The following ZFHX3 variants were observed in gnomAD, a reference collection of about 807,000 sequenced individuals.
The protein encoded by ZFHX3 is zinc finger homeobox protein 3.
In ZFHX3, 42 loss-of-function variants were observed where a neutral mutation model predicts 279.1. That is an observed-to-expected ratio of 0.15 (90% CI 0.12 to 0.19). The LOEUF (loss-of-function observed/expected upper bound fraction) is 0.19, where lower values mean the gene tolerates loss of function less well. ZFHX3 is among the 10% of genes least tolerant of loss of function. The pLI, the probability that ZFHX3 is intolerant of heterozygous loss-of-function variation, is 1.00. For synonymous variants in ZFHX3, 2,293 were observed against 1,957.8 expected (o/e 1.17, Z -4.52); for missense variants, 4,981 against 4,754.0 (o/e 1.05, Z -1.40).
chr16:73,442,011 ACTCC>A (rs1181690911), intron 3 of ZFHX3, among the ~76,000 whole-genome samples: 1 of 152,046 alleles, frequency 6.6e-6, no homozygotes, highest in African/African-American at 2.4e-5. Flanking sequence ...TCTTAACAGG[ACTCC>A]AGGTCTCTCC....
At chr16:73,767,768 G>T (rs557372645) in intron 1 of ZFHX3, among the ~76,000 whole-genome samples, 2 of 152,166 alleles carry the variant, frequency 1.3e-5, no homozygotes, top group Non-Finnish European at 2.9e-5. Flanking sequence ...GATCTGCGAT[G>T]GGAGACTTAA....
intron 2 of ZFHX3, among the ~76,000 whole-genome samples, chr16:73,485,439 A>G (rs553994887): frequency 0.032 from 539 of 16,730 alleles, 6 homozygotes; most frequent in African/African-American, 0.28. Context: ...AAAAAAAAAA[A>G]AAAAAAAACT....
chr16:73,142,396 C>T (rs572787827), intron 6 of ZFHX3, among the ~76,000 whole-genome samples: 1 of 152,294 alleles, frequency 6.6e-6, no homozygotes, highest in South Asian at 2.1e-4. Context: ...ATGCCAATAC[C>T]CGCCGTAGAG....
chr16:73,756,676 G>A lies in ZFHX3; in HGVS notation c.-1607-76436C>T, dbSNP rs568979568. Among the ~76,000 whole-genome samples the A allele has an allele frequency of 7.9e-5, 12 of 152,102 alleles. No individual in the cohort carries two copies. In the South Asian group the frequency reaches 2.1e-3, roughly 26 times the overall value. On this transcript the variant is annotated intron_variant, in intron 1 of 17. Coordinates refer to the ZFHX3 transcript ENST00000641206. ...GGATGACATTTCTAAGCTTGGGTCC[G>A]GAAAGCCCAGGCTTTCCTAGAAACC...
intron 2 of ZFHX3, among the ~76,000 whole-genome samples, chr16:73,601,015 A>C (rs2052109149): frequency 1.5e-4 from 1 of 6,528 alleles, no homozygotes; most frequent in Non-Finnish European, 5.6e-4. Flanking sequence ...TTGTTTCTCA[A>C]AAAAAAAAAA....
intron 2 of ZFHX3, among the ~76,000 whole-genome samples, chr16:72,951,473 G>C (rs769281233): frequency 2.6e-5 from 4 of 152,094 alleles, no homozygotes; most frequent in Non-Finnish European, 5.9e-5. Flanking sequence ...TGTTGGTCAG[G>C]CTGGTGTTGA....
At chr16:73,417,087 A>T (rs2017603619) in intron 3 of ZFHX3, among the ~76,000 whole-genome samples, 1 of 151,966 alleles carries the variant, frequency 6.6e-6, no homozygotes, top group Non-Finnish European at 1.5e-5. Flanking sequence ...AGGGCACGTC[A>T]CCTCTGCTAT....
chr16:73,473,365 A>AAAC lies in ZFHX3; in HGVS notation c.-1546-17108_-1546-17107insGTT, dbSNP rs1555519255. Reference sequence around the variant, plus strand: ...AAAAAAAAAAAAAAAAAACAAAAAAAAAAAAAACAAAATAATAAGCTATGT... The same window carrying AAAC: ...AAAAAAAAAAAAAAAAAACAAAAAAAAACAAAAAAACAAAATAATAAGCTATGT... On this transcript the variant is annotated intron_variant, in intron 2 of 17. Transcript: ENST00000641206. Among the ~76,000 whole-genome samples the AAAC allele has an allele frequency of 1.8e-3, 233 of 130,092 alleles. 1 individual carries two copies. Among genetic ancestry groups the AAAC allele is most frequent in the African/African-American group, 5.7e-3 (186 of 32,462 alleles). 85.3% of individuals were successfully genotyped at this position (130,092 alleles called of 152,430 possible). A position where few individuals can be genotyped will look rare whatever the true frequency, so the allele number is the denominator to read the frequency against.
At chr16:73,492,820 C>A (rs1270063600) in intron 2 of ZFHX3, among the ~76,000 whole-genome samples, 1 of 152,144 alleles carries the variant, frequency 6.6e-6, no homozygotes, top group Non-Finnish European at 1.5e-5. Context: ...ATGCCTTAAA[C>A]CTTCAATAAA....
intron 1 of ZFHX3, among the ~76,000 whole-genome samples, chr16:73,792,768 C>G (rs1959865860): frequency 6.6e-6 from 1 of 152,036 alleles, no homozygotes; most frequent in Admixed American, 6.6e-5. Flanking sequence ...GGGTTAATAC[C>G]AACCTTTTTC....
chr16:73,043,613 C>T (rs1342381965), intron 1 of ZFHX3, among the ~76,000 whole-genome samples: 3 of 152,220 alleles, frequency 2.0e-5, no homozygotes, highest in Admixed American at 6.5e-5. Context: ...GCCTAGACCA[C>T]GGCCTTGTCC....
chr16:72,801,607 A>G (rs1009270622), intron 7 of ZFHX3, among the ~76,000 whole-genome samples: 2 of 152,172 alleles, frequency 1.3e-5, no homozygotes, highest in African/African-American at 2.4e-5. Flanking sequence ...AAGCATTCTG[A>G]GAAATGCTGT....
At chr16:72,992,452 G>T (rs755526080) in intron 1 of ZFHX3, among the ~76,000 whole-genome samples, 1 of 152,128 alleles carries the variant, frequency 6.6e-6, no homozygotes, top group Non-Finnish European at 1.5e-5. Context: ...CCCTGTAAAC[G>T]GATCTAATGT....
At chr16:72,809,741 T>C (rs1479961471) in intron 7 of ZFHX3, 1 of 152,212 alleles carries the variant, frequency 6.6e-6, no homozygotes, top group Non-Finnish European at 1.5e-5. Context: ...TAACGTGCAG[T>C]TGTGAACAGA....
chr16:72,789,587 CCT>C (rs2035610735), intron 9 of ZFHX3: 1 of 152,440 alleles, frequency 6.6e-6, no homozygotes, highest in Non-Finnish European at 1.5e-5. Context: ...TCCTCTCTGA[CCT>C]CTGTTGCTGC....
At chr16:73,869,452 C>T (rs989311476) in intron 1 of ZFHX3, among the ~76,000 whole-genome samples, 1 of 152,180 alleles carries the variant, frequency 6.6e-6, no homozygotes, top group Non-Finnish European at 1.5e-5. Context: ...GTTACACAGG[C>T]AAAAGGCTAA....
intron 1 of ZFHX3, among the ~76,000 whole-genome samples, chr16:73,012,919 A>G (rs1302761464): frequency 2.0e-5 from 3 of 152,178 alleles, no homozygotes; most frequent in South Asian, 2.1e-4. Context: ...GTCATTTGCA[A>G]TATCTCTTGT....
chr16:73,423,871 A>G (rs945610714), intron 3 of ZFHX3, among the ~76,000 whole-genome samples: 2 of 152,058 alleles, frequency 1.3e-5, no homozygotes, highest in African/African-American at 4.8e-5. Flanking sequence ...CAAAAAAAAA[A>G]AAAAAAAGTG....
chr16:73,710,113 G>T (rs992330365), intron 1 of ZFHX3, among the ~76,000 whole-genome samples: 3 of 152,176 alleles, frequency 2.0e-5, no homozygotes, highest in African/African-American at 7.2e-5. Flanking sequence ...AACCTGGGAG[G>T]TGGACGTTGC....
Sources: allele counts gnomAD v4.1 joint callset (sites outside exome capture counted in the v4.1 genomes callset), GRCh38; gene constraint gnomAD v4.1.1; transcripts MANE v1.5; gene names NCBI Gene and HGNC (gene_info 2026-07-23, HGNC 2026-07-21).